Variants in ZNF529 observed in about 807,000 individuals in gnomAD.
The protein encoded by ZNF529 is zinc finger protein 529.
ZNF529 carries 11 observed loss-of-function variants against 10.1 expected under a neutral mutation model. That is an observed-to-expected ratio of 1.09 (90% CI 0.69 to 1.81). The LOEUF (loss-of-function observed/expected upper bound fraction) is 1.81, where lower values mean the gene tolerates loss of function less well. ZNF529 is among the 40% of genes most tolerant of loss of function. ZNF529 has a pLI of 0.00. For synonymous variants in ZNF529, 204 were observed against 215.7 expected (o/e 0.95, Z 0.47); for missense variants, 624 against 666.8 (o/e 0.94, Z 0.71).
chr19:36,576,765 T>G (rs770254020), upstream of ZNF529, among the ~76,000 whole-genome samples: 10 of 151,700 alleles, frequency 6.6e-5, no homozygotes, highest in Admixed American at 3.9e-4. Context: ...CACTCAGCAC[T>G]CCTTTTCACT....
chr19:36,578,133 C>T (rs1303898700), upstream of ZNF529, among the ~76,000 whole-genome samples: 3 of 131,510 alleles, frequency 2.3e-5, no homozygotes, highest in Admixed American at 8.4e-5. Flanking sequence ...GGTGCTATCT[C>T]GGCTCACTGC....
rs2035131977 is a variant in ZNF529 at position 36,548,334 on chromosome 19, GA to G, written c.236-13del. 6.7e-7 allele frequency: 1 copy of G among 1,499,550 alleles called. No homozygotes were observed. The allele number at this position is 1,499,550 out of a possible 1,614,324, so 92.9% of individuals were successfully genotyped here. A position where few individuals can be genotyped will look rare whatever the true frequency, so the allele number is the denominator to read the frequency against. ...CCTGGACTCCAAATCTGAAAGAAAG[GA>G]AAAAATAATTTTCATGTACTACAAA... On this transcript the variant is annotated splice_polypyrimidine_tract_variant and intron_variant, in intron 4 of 4. Coordinates refer to ENST00000591340, the MANE Select transcript of ZNF529 (RefSeq NM_020951.5).
rs143983973 is a variant in ZNF529, at chr19:36,584,273, A to G, written c.-41+5342T>C. Among the ~76,000 whole-genome samples, 74 of 152,286 alleles carry G rather than the reference A, an allele frequency of 4.9e-4. 2 individuals are homozygous for G. In the East Asian group the frequency reaches 0.012, roughly 24 times the overall value. ...AATAAAGACATTTTCAGACAAAGAT[A>G]AGGTTTTTTTCATAGACTCACTGGA... On this transcript the variant is annotated intron_variant, in intron 2 of 4. Coordinates refer to the ZNF529 transcript ENST00000585960.
chr19:36,581,101 C>T (rs1350444930), intron 2 of ZNF529: 1 of 152,102 alleles, frequency 6.6e-6, no homozygotes, highest in Non-Finnish European at 1.5e-5. Context: ...TACAGAACAC[C>T]ATACCCACAA....
At chr19:36,596,610 C>T (rs1160795837) in intron 1 of ZNF529, among the ~76,000 whole-genome samples, 1 of 151,898 alleles carries the variant, frequency 6.6e-6, no homozygotes, top group Non-Finnish European at 1.5e-5. Flanking sequence ...CTCTGCCTCC[C>T]AGTTCAAGCA....
intron 3 of ZNF529, 147 bp downstream of exon 3, chr19:36,555,957 C>T: frequency 2.8e-6 from 2 of 716,750 alleles, no homozygotes; most frequent in Non-Finnish European, 4.6e-6. Flanking sequence ...TAGAGGCACA[C>T]AGGAGGGACA....
At chr19:36,581,487 A>G (rs188745566) in intron 2 of ZNF529, 99 of 152,348 alleles carry the variant, frequency 6.5e-4, no homozygotes, top group African/African-American at 2.3e-3. Flanking sequence ...TCATCAGTGG[A>G]TGAATGGATA....
rs2035465812 is a variant in ZNF529 at position 36,556,215 on chromosome 19, TAAGA to T, written c.15-22_15-19del. 3.2e-6 allele frequency: 3 copies of T among 943,046 alleles called. No individual in the cohort carries two copies. Among genetic ancestry groups the T allele is most frequent in the East Asian group, 2.6e-5 (1 of 38,190 alleles). 58.4% of individuals were successfully genotyped at this position (943,046 alleles called of 1,614,324 possible). A position where few individuals can be genotyped will look rare whatever the true frequency, so the allele number is the denominator to read the frequency against. On this transcript the variant is annotated intron_variant, in intron 2 of 4. Coordinates refer to ENST00000591340, the MANE Select transcript of ZNF529 (RefSeq NM_020951.5). ...CAATGAAACTGTAAAAATTATTTTTTAAGAAAGAACCACCATTAAAAGTCTCTGG... is the reference window on the plus strand; with the variant it reads ...CAATGAAACTGTAAAAATTATTTTTTAAGAACCACCATTAAAAGTCTCTGG...
intron 2 of ZNF529, among the ~76,000 whole-genome samples, chr19:36,556,470 G>A (rs533326337): frequency 1.1e-3 from 170 of 152,306 alleles, no homozygotes; most frequent in African/African-American, 3.8e-3. Flanking sequence ...ATCTTCCTAG[G>A]TGGGGTAAGA....
chr19:36,548,978 G>A (rs2035160352), intron 4 of ZNF529, among the ~76,000 whole-genome samples: 1 of 152,150 alleles, frequency 6.6e-6, no homozygotes, highest in African/African-American at 2.4e-5. Context: ...ACTCTAGCCT[G>A]GGCAGCAGAG....
At chr19:36,556,937 G>T (rs1274317876) in intron 2 of ZNF529, among the ~76,000 whole-genome samples, 4 of 152,230 alleles carry the variant, frequency 2.6e-5, no homozygotes, top group African/African-American at 9.6e-5. Flanking sequence ...AAGGGCAATT[G>T]AGAGGAGGTT....
chr19:36,586,888 T>C (rs1244989882), intron 2 of ZNF529, among the ~76,000 whole-genome samples: 1 of 152,238 alleles, frequency 6.6e-6, no homozygotes, highest in African/African-American at 2.4e-5. Context: ...CTAAAAGACA[T>C]AAATATGTAT....
At chr19:36,574,326 G>C (rs182356578), upstream of ZNF529, among the ~76,000 whole-genome samples, 41 of 152,320 alleles carry the variant, frequency 2.7e-4, no homozygotes, top group African/African-American at 9.9e-4. Flanking sequence ...ATTGACGTAA[G>C]ACTTAGGAAT....
upstream of ZNF529, among the ~76,000 whole-genome samples, chr19:36,574,091 C>T (rs2036250198): frequency 6.6e-6 from 1 of 152,188 alleles, no homozygotes; most frequent in African/African-American, 2.4e-5. Context: ...ATATGAGTGA[C>T]CAATGGCCGG....
At chr19:36,596,424 A>G (rs2036842690) in intron 1 of ZNF529, among the ~76,000 whole-genome samples, 1 of 151,800 alleles carries the variant, frequency 6.6e-6, no homozygotes, top group Admixed American at 6.6e-5. Context: ...CTCTCATAAT[A>G]TTTTTGGCCT....
At position 36,551,356 on chromosome 19, in the gene ZNF529, G is replaced by C. The variant is rs150088831; in HGVS notation, c.236-3034C>G. ...GTGAGAATAAATTCAAAGGTTAAAG[G>C]ATAAAGCCAAAGCACACAGAAATCA... is the stretch of plus-strand genomic sequence containing the variant. On this transcript the variant is annotated intron_variant, in intron 4 of 4. Coordinates refer to ENST00000591340, the MANE Select transcript of ZNF529 (RefSeq NM_020951.5). Among the ~76,000 whole-genome samples, 382 of 152,192 alleles carry C rather than the reference G, an allele frequency of 2.5e-3. 1 individual carries two copies. The highest frequency in any genetic ancestry group is 8.6e-3 in the African/African-American group (357 of 41,536).
chr19:36,574,100 G>A (rs1014817198), upstream of ZNF529, among the ~76,000 whole-genome samples: 1 of 152,186 alleles, frequency 6.6e-6, no homozygotes, highest in African/African-American at 2.4e-5. Context: ...ACCAATGGCC[G>A]GTGGCCCAGC....
At chr19:36,552,307 G>C (rs1349351134) in intron 4 of ZNF529, among the ~76,000 whole-genome samples, 3 of 152,124 alleles carry the variant, frequency 2.0e-5, no homozygotes, top group Non-Finnish European at 2.9e-5. Context: ...GCATGCGCCT[G>C]TAGTCCCAGC....
intron 2 of ZNF529, among the ~76,000 whole-genome samples, chr19:36,566,935 G>C (rs960655950): frequency 6.6e-6 from 1 of 151,540 alleles, no homozygotes; most frequent in African/African-American, 2.4e-5. Flanking sequence ...CAGGAGAAGC[G>C]CTGGAAGGAG....
Sources: allele counts gnomAD v4.1 joint callset (sites outside exome capture counted in the v4.1 genomes callset), GRCh38; gene constraint gnomAD v4.1.1; transcripts MANE v1.5; gene names NCBI Gene and HGNC (gene_info 2026-07-23, HGNC 2026-07-21).